Variants in CEACAM8 observed in about 807,000 individuals in gnomAD.
CEACAM8 encodes cell adhesion molecule CEACAM8.
CEACAM8 carries 31 observed loss-of-function variants against 33.4 expected under a neutral mutation model. The ratio of observed to expected loss-of-function variants is 0.93; its 90% CI spans 0.70 to 1.25. CEACAM8 has a LOEUF of 1.25. Among genes scored for constraint, CEACAM8 ranks in the 50% most tolerant of loss-of-function variants. The probability of loss-of-function intolerance (pLI) is 0.00; values close to 1 mark genes in which losing one functional copy is unlikely to be tolerated. For synonymous variants in CEACAM8, 138 were observed against 164.5 expected, an observed-to-expected ratio of 0.84 and a Z score of 1.23; for missense variants, 388 against 434.6, an observed-to-expected ratio of 0.89 and a Z score of 0.95.
At chr19:42,583,378 C>G in intron 4 of CEACAM8, 41 bp from the exon 5 acceptor site, 1 of 1,411,416 alleles carries the variant, frequency 7.1e-7, no homozygotes, top group Middle Eastern at 1.8e-4. Context: ...GAAGTTGATG[C>G]CATTTTACAG....
At chr19:42,593,959 G>T in intron 1 of CEACAM8, 59 bp from the exon 2 acceptor site, 3 of 1,510,776 alleles carry the variant, frequency 2.0e-6, no homozygotes, top group Non-Finnish European at 2.7e-6. Context: ...GTAGAAAAAT[G>T]GGGACATCAG....
chr19:42,589,419 C>A (rs1420784780), intron 3 of CEACAM8, 38 bp downstream of exon 3: 2 of 1,613,316 alleles, frequency 1.2e-6, no homozygotes, highest in Non-Finnish European at 1.7e-6. Flanking sequence ...TGGATTTGGG[C>A]TGGTGGCCTG....
Position 42,588,887 on chromosome 19 carries a change from A to G in CEACAM8, c.855T>C (p.Phe285=). 1.9e-6 allele frequency: 3 copies of G among 1,614,158 alleles called. No homozygotes were observed. The highest frequency in any genetic ancestry group is 2.5e-6 in the Non-Finnish European group (3 of 1,180,032). ...TGTTCTTTGTAGTGATGTTGGGGAT[A>G]AAGAGCTTTTGTGTGTATTGCTGGA... is the stretch of plus-strand genomic sequence containing the variant. ...GTFQQYTQKL[F]IPNITTKNSG... The change falls in exon 4 of 6, where the codon TTT becomes TTC. Residue 285 remains phenylalanine (F), a synonymous_variant. Coordinates refer to ENST00000244336, the MANE Select transcript of CEACAM8 (RefSeq NM_001816.4).
At chr19:42,592,609 A>T (rs1357148357) in intron 2 of CEACAM8, among the ~76,000 whole-genome samples, 1 of 151,474 alleles carries the variant, frequency 6.6e-6, no homozygotes, top group Non-Finnish European at 1.5e-5. Context: ...AAAAAAAAAA[A>T]AAAAAAAAAA....
chr19:42,594,661 A>G (rs2147878197), intron 1 of CEACAM8, 104 bp downstream of exon 1: 1 of 861,300 alleles, frequency 1.2e-6, no homozygotes, highest in Non-Finnish European at 1.9e-6. Flanking sequence ...TAAGGCTCCA[A>G]CAGAAGTCCT....
chr19:42,587,545 A>G (rs2042356935), intron 4 of CEACAM8, among the ~76,000 whole-genome samples: 1 of 152,226 alleles, frequency 6.6e-6, no homozygotes, highest in Non-Finnish European at 1.5e-5. Flanking sequence ...AGAATAATCA[A>G]TTACATAGAG....
chr19:42,591,602 C>T (rs2042440202), intron 2 of CEACAM8, among the ~76,000 whole-genome samples: 1 of 152,184 alleles, frequency 6.6e-6, no homozygotes, highest in African/African-American at 2.4e-5. Flanking sequence ...TCGGGAGACA[C>T]AAGTAGAATT....
rs894570290 is a variant in CEACAM8, at chr19:42,580,508, A to G, written c.*886T>C. The G allele has an allele frequency of 6.6e-6, 1 of 152,370 alleles. No homozygotes were observed. Among genetic ancestry groups the G allele is most frequent in the East Asian group, 1.9e-4 (1 of 5,192 alleles). The allele number at this position is 152,370 out of a possible 1,614,324, so 9.4% of individuals were successfully genotyped here. A position where few individuals can be genotyped will look rare whatever the true frequency, so the allele number is the denominator to read the frequency against. On this transcript the variant is annotated 3_prime_UTR_variant, in exon 6 of 6. Transcript: ENST00000244336. Reference sequence around the variant, plus strand: ...GTATTTTCTCAAATATAACATCCCAATCAAAGCCTTGGTAATATAACCAAT... The same window carrying G: ...GTATTTTCTCAAATATAACATCCCAGTCAAAGCCTTGGTAATATAACCAAT...
At chr19:42,583,051 A>C in intron 5 of CEACAM8, 155 bp downstream of exon 5, 2 of 588,432 alleles carry the variant, frequency 3.4e-6, no homozygotes, top group Non-Finnish European at 6.1e-6. Context: ...TACAGGGAGC[A>C]TGCAGACCAG....
At position 42,583,169 on chromosome 19, in the gene CEACAM8, C is replaced by A. The variant is rs548430931; in HGVS notation, c.*40+37G>T. 17 of 924,188 alleles carry A rather than the reference C, an allele frequency of 1.8e-5. No homozygotes were observed. In the African/African-American group the frequency reaches 2.8e-4, roughly 15 times the overall value. 57.2% of individuals were successfully genotyped at this position (924,188 alleles called of 1,614,324 possible). A position where few individuals can be genotyped will look rare whatever the true frequency, so the allele number is the denominator to read the frequency against. ...CTCTCTCCCAAGCATGGCGGTCAGCCCTGCAGGAAACAGGACAAGAGGAAA... is the reference window on the plus strand; with the variant it reads ...CTCTCTCCCAAGCATGGCGGTCAGCACTGCAGGAAACAGGACAAGAGGAAA... On this transcript the variant is annotated intron_variant, in intron 5 of 5. Transcript: ENST00000244336.
chr19:42,590,744 C>T (rs995444990), intron 2 of CEACAM8, among the ~76,000 whole-genome samples: 46 of 152,148 alleles, frequency 3.0e-4, no homozygotes, highest in Admixed American at 8.5e-4. Flanking sequence ...CATGGAATCA[C>T]GTAGTAGAAT....
intron 2 of CEACAM8, among the ~76,000 whole-genome samples, chr19:42,590,549 G>A (rs2042418835): frequency 6.6e-6 from 1 of 152,220 alleles, no homozygotes; most frequent in African/African-American, 2.4e-5. Flanking sequence ...TGGGGAGGGG[G>A]AGCCTGAAGT....
intron 4 of CEACAM8, among the ~76,000 whole-genome samples, chr19:42,584,927 A>T (rs1382346529): frequency 6.6e-6 from 1 of 152,224 alleles, no homozygotes; most frequent in Non-Finnish European, 1.5e-5. Flanking sequence ...TCAAAATAAG[A>T]TCAACAAAAT....
At chr19:42,593,452 G>A (rs1043342871) in intron 2 of CEACAM8, 89 bp downstream of exon 2, 4 of 1,480,822 alleles carry the variant, frequency 2.7e-6, no homozygotes, top group Admixed American at 4.5e-5. Flanking sequence ...AATGCAGAGA[G>A]GGACATGGGC....
At position 42,580,810 on chromosome 19, in the gene CEACAM8, G is replaced by C. The variant is rs574875078; in HGVS notation, c.*584C>G. 6.6e-6 allele frequency: 1 copy of C among 151,898 alleles called. No homozygotes were observed. The highest frequency in any genetic ancestry group is 1.5e-5 in the Non-Finnish European group (1 of 67,964). The allele number at this position is 151,898 out of a possible 1,614,324, so 9.4% of individuals were successfully genotyped here. A position where few individuals can be genotyped will look rare whatever the true frequency, so the allele number is the denominator to read the frequency against. ...TTTTCAAATAAAAAATCTTAAAAAC[G>C]GGCTGGGCGCGGTGGCTCACACCTG... On this transcript the variant is annotated 3_prime_UTR_variant, in exon 6 of 6. Coordinates refer to ENST00000244336, the MANE Select transcript of CEACAM8 (RefSeq NM_001816.4).
rs771602602 is a variant in CEACAM8, at chr19:42,593,521, G to A, written c.424+20C>T. 3 of 1,549,798 alleles carry A rather than the reference G, an allele frequency of 1.9e-6. No individual in the cohort carries two copies. The highest frequency in any genetic ancestry group is 2.6e-6 in the Non-Finnish European group (3 of 1,146,328). On this transcript the variant is annotated intron_variant, in intron 2 of 5. Transcript: ENST00000244336. ...GTAGAACTGACCCCCAACACCCAGA[G>A]GTCATGGGGAATCACTCACGATGTA...
chr19:42,592,827 A>G (rs1247148607), intron 2 of CEACAM8, among the ~76,000 whole-genome samples: 1 of 152,136 alleles, frequency 6.6e-6, no homozygotes, highest in East Asian at 1.9e-4. Context: ...TGTTAGGAAC[A>G]TCTTTCTTCT....
rs756395264 is a variant in CEACAM8 at position 42,589,551 on chromosome 19, G to A, written c.609C>T (p.Leu203=). The change falls in exon 3 of 6, where the codon CTC becomes CTT. Residue 203 remains leucine (L), a synonymous_variant. Coordinates refer to ENST00000244336, the MANE Select transcript of CEACAM8 (RefSeq NM_001816.4). ...GTCCTACGTCATTCCTTGTGACACT[G>A]AGTAGAGTGAGGGTCCTGTTGCCAT... ...LSNGNRTLTL[L]SVTRNDVGPY... 6.2e-7 allele frequency: 1 copy of A among 1,614,228 alleles called. No homozygotes were observed. The highest frequency in any genetic ancestry group is 1.7e-5 in the Admixed American group (1 of 60,036).
intron 4 of CEACAM8, among the ~76,000 whole-genome samples, chr19:42,587,388 A>G (rs2042353888): frequency 1.3e-5 from 2 of 152,274 alleles, no homozygotes; most frequent in Admixed American, 6.5e-5. Context: ...AGGTGTATCC[A>G]TACAATGGAA....
Sources: gnomAD v4.1 joint callset for allele counts (sites outside exome capture counted in the v4.1 genomes callset) on GRCh38, gnomAD v4.1.1 for gene constraint, MANE v1.5 for transcripts, NCBI Gene and HGNC (gene_info 2026-07-23, HGNC 2026-07-21) for gene names.